Variants in MAPKAP1 observed in about 807,000 individuals in gnomAD.
MAPKAP1 encodes the protein MAPK associated protein 1, also known as target of rapamycin complex 2 subunit MAPKAP1.
Under a neutral mutation model 65.7 loss-of-function variants are expected in MAPKAP1, and 20 were observed. The observed-to-expected ratio is 0.30, with a 90% CI of 0.21 to 0.44. The LOEUF is 0.44. Ranked by LOEUF, MAPKAP1 falls within the 20% of genes least tolerant of loss-of-function variation. The pLI is 1.00. For missense variants in MAPKAP1, 423 were observed against 648.0 expected (o/e 0.65, Z 3.77); for synonymous variants, 222 against 244.3 (o/e 0.91, Z 0.85).
intron 9 of MAPKAP1, among the ~76,000 whole-genome samples, chr9:125,473,773 A>G (rs1008429285): frequency 3.9e-5 from 6 of 152,216 alleles, no homozygotes; most frequent in Non-Finnish European, 7.3e-5. Flanking sequence ...ACCTCTAATC[A>G]GGAAGGCACT....
At chr9:125,694,503 C>T (rs1230608039) in intron 1 of MAPKAP1, among the ~76,000 whole-genome samples, 1 of 152,108 alleles carries the variant, frequency 6.6e-6, no homozygotes, top group Non-Finnish European at 1.5e-5. Flanking sequence ...TAACATTGTT[C>T]TGAAACTCCT....
At position 125,447,178 on chromosome 9, in the gene MAPKAP1, T is replaced by C. The variant is rs1297511082; in HGVS notation, c.1346-2580A>G. The C allele has an allele frequency of 4.7e-5, 13 of 276,486 alleles. No homozygotes were observed. Among genetic ancestry groups the C allele is most frequent in the East Asian group, 9.7e-5 (1 of 10,302 alleles). The allele number at this position is 276,486 out of a possible 1,614,324, so 17.1% of individuals were successfully genotyped here. ...AATGTATTTGGTTGCATGTGGAGGC[T>C]GTGTGTGTCTCCTGCCTATCCCCAG... On this transcript the variant is annotated intron_variant, in intron 10 of 11. Coordinates refer to ENST00000265960, the MANE Select transcript of MAPKAP1 (RefSeq NM_001006617.3). This position sits in a 1 kb window ranked among gnomAD's most constrained non-coding sequence, Gnocchi z 4.5.
intron 8 of MAPKAP1, among the ~76,000 whole-genome samples, chr9:125,493,841 A>T (rs1297904634): frequency 1.3e-5 from 2 of 152,232 alleles, no homozygotes; most frequent in Non-Finnish European, 2.9e-5. Context: ...AATGAGACTC[A>T]GAATGTCATT....
intron 8 of MAPKAP1, among the ~76,000 whole-genome samples, chr9:125,496,667 G>A (rs1351702613): frequency 1.3e-5 from 2 of 152,178 alleles, no homozygotes; most frequent in African/African-American, 4.8e-5. Context: ...GCATCACAAA[G>A]AGGGTCGGAA....
chr9:125,457,958 T>A (rs1334346828), intron 10 of MAPKAP1, among the ~76,000 whole-genome samples: 1 of 152,212 alleles, frequency 6.6e-6, no homozygotes, highest in Non-Finnish European at 1.5e-5. Flanking sequence ...GCCTCCTCCA[T>A]CTCTTATCTC....
chr9:125,572,754 C>G (rs993428491), intron 5 of MAPKAP1: 2 of 152,152 alleles, frequency 1.3e-5, no homozygotes, highest in Non-Finnish European at 2.9e-5. Context: ...CATGTAAAGC[C>G]TTCTAATTTA....
chr9:125,444,690 G>T, intron 10 of MAPKAP1, 92 bp from the exon 11 acceptor site: 1 of 838,140 alleles, frequency 1.2e-6, no homozygotes, highest in Non-Finnish European at 1.9e-6. Flanking sequence ...CAATTCGAGC[G>T]AGAGCAAGTG....
intron 10 of MAPKAP1, among the ~76,000 whole-genome samples, chr9:125,455,356 C>T (rs1026204797): frequency 6.6e-6 from 1 of 152,222 alleles, no homozygotes; most frequent in Non-Finnish European, 1.5e-5. Flanking sequence ...GGAACACTAT[C>T]TGATGGGGGA....
intron 9 of MAPKAP1, among the ~76,000 whole-genome samples, chr9:125,482,366 A>G (rs1431331939): frequency 6.6e-6 from 1 of 152,126 alleles, no homozygotes; most frequent in Non-Finnish European, 1.5e-5. Flanking sequence ...ATTTCCTTGT[A>G]TTTGTGAATG....
intron 4 of MAPKAP1, among the ~76,000 whole-genome samples, chr9:125,591,476 C>G (rs1240185898): frequency 6.6e-6 from 1 of 152,136 alleles, no homozygotes; most frequent in Non-Finnish European, 1.5e-5. Context: ...TCTATTTACT[C>G]TAAAGAGTAC....
rs553615335 is a variant in MAPKAP1 at position 125,458,416 on chromosome 9, C to T, written c.1345+9556G>A. Among the ~76,000 whole-genome samples the T allele has an allele frequency of 1.3e-3, 192 of 152,052 alleles. 1 individual carries two copies. The highest frequency in any genetic ancestry group is 4.5e-3 in the African/African-American group (185 of 41,470). On this transcript the variant is annotated intron_variant, in intron 10 of 11. Transcript: ENST00000265960. ...ACTTGAGATTAGGGAGTGGTGATGACTCTTAACGAGCATGCTGCCTTCAAG... is the reference window on the plus strand; with the variant it reads ...ACTTGAGATTAGGGAGTGGTGATGATTCTTAACGAGCATGCTGCCTTCAAG...
chr9:125,698,313 ATATATATATATATATATATAT>A (rs1835483031), intron 1 of MAPKAP1, among the ~76,000 whole-genome samples: 1 of 46,466 alleles, frequency 2.2e-5, no homozygotes. Context: ...ATATATATAT[ATATATATATATATATATATAT>A]ATAAAATATA....
intron 7 of MAPKAP1, among the ~76,000 whole-genome samples, chr9:125,530,297 G>A (rs1042724212): frequency 6.6e-6 from 1 of 152,196 alleles, no homozygotes; most frequent in Non-Finnish European, 1.5e-5. Flanking sequence ...TCTTCATGGA[G>A]GCTGGAGAGA....
chr9:125,506,053 T>C lies in MAPKAP1; in HGVS notation c.1066+257A>G, dbSNP rs555907659. On this transcript the variant is annotated intron_variant, in intron 8 of 11. Transcript: ENST00000265960. Reference sequence around the variant, plus strand: ...GCTTCTAAGCTGTTTCCAGGGATGCTCCCAACTTAGGAAGACAGTTTAACA... The same window carrying C: ...GCTTCTAAGCTGTTTCCAGGGATGCCCCCAACTTAGGAAGACAGTTTAACA... 3.5e-4 allele frequency: 177 copies of C among 505,028 alleles called. 1 individual carries two copies. Among genetic ancestry groups the C allele is most frequent in the African/African-American group, 2.5e-3 (131 of 52,086 alleles). The allele number at this position is 505,028 out of a possible 1,614,324, so 31.3% of individuals were successfully genotyped here.
intron 5 of MAPKAP1, among the ~76,000 whole-genome samples, chr9:125,566,715 C>T (rs940997238): frequency 6.6e-6 from 1 of 152,238 alleles, no homozygotes; most frequent in Non-Finnish European, 1.5e-5. Context: ...CCCATTTCGA[C>T]CTTGCCATCC....
At chr9:125,625,535 C>T (rs1833092480) in intron 4 of MAPKAP1, among the ~76,000 whole-genome samples, 1 of 152,194 alleles carries the variant, frequency 6.6e-6, no homozygotes, top group South Asian at 2.1e-4. Flanking sequence ...CAGCTCACGC[C>T]TGTAATCCCA....
In MAPKAP1 at chr9:125,592,902, C is replaced by CAA. The variant is rs35339033; in HGVS notation, c.499-7177_499-7176dup. On this transcript the variant is annotated intron_variant, in intron 4 of 11. Transcript: ENST00000265960. ...TGGGCGAAAGAGCGAGACTCCGTCTCAAAAAAAAAAAAAAAAAAAGGAACA... is the reference window on the plus strand; with the variant it reads ...TGGGCGAAAGAGCGAGACTCCGTCTCAAAAAAAAAAAAAAAAAAAAAGGAACA... Among the ~76,000 whole-genome samples, 223 of 70,570 alleles carry CAA rather than the reference C, an allele frequency of 3.2e-3. 3 individuals are homozygous for CAA. The highest frequency in any genetic ancestry group is 0.016 in the Middle Eastern group (2 of 122). The allele number at this position is 70,570 out of a possible 152,430, so 46.3% of individuals were successfully genotyped here. A position where few individuals can be genotyped will look rare whatever the true frequency, so the allele number is the denominator to read the frequency against.
intron 4 of MAPKAP1, among the ~76,000 whole-genome samples, chr9:125,634,643 C>T (rs1026160899): frequency 1.3e-5 from 2 of 152,152 alleles, no homozygotes; most frequent in African/African-American, 2.4e-5. Flanking sequence ...TTTCTGTGGG[C>T]AAACTGAGTA....
intron 1 of MAPKAP1, among the ~76,000 whole-genome samples, chr9:125,679,993 A>C (rs16928400): frequency 0.027 from 4,042 of 152,288 alleles, 186 homozygotes; most frequent in African/African-American, 0.093. Flanking sequence ...AAGACTGTTA[A>C]TGGTTAGTTA....
Sources: gnomAD v4.1 joint callset for allele counts (sites outside exome capture counted in the v4.1 genomes callset) on GRCh38, gnomAD v4.1.1 for gene constraint, Gnocchi (gnomAD v3.1) non-coding constraint, MANE v1.5 for transcripts, NCBI Gene and HGNC (gene_info 2026-07-23, HGNC 2026-07-21) for gene names.